TNRC6C: variants seen among roughly 807,000 people sequenced by gnomAD.
The protein encoded by TNRC6C is trinucleotide repeat containing adaptor 6C, also known as trinucleotide repeat-containing gene 6C protein.
TNRC6C carries 20 observed loss-of-function variants against 153.7 expected under a neutral mutation model. That is an observed-to-expected ratio of 0.13 (90% confidence interval 0.09 to 0.19). The LOEUF (loss-of-function observed/expected upper bound fraction) is 0.19, where lower values mean the gene tolerates loss of function less well. Among genes scored for constraint, TNRC6C ranks in the 10% least tolerant of loss-of-function variants. The pLI, the probability that TNRC6C is intolerant of heterozygous loss-of-function variation, is 1.00. For missense variants in TNRC6C, 1,987 were observed against 2,172.0 expected (o/e 0.91, Z 1.69); for synonymous variants, 811 against 841.4 (o/e 0.96, Z 0.63).
chr17:78,078,966 G>A (rs1203999143), intron 9 of TNRC6C, among the ~76,000 whole-genome samples: 3 of 152,064 alleles, frequency 2.0e-5, no homozygotes, highest in Non-Finnish European at 2.9e-5. Context: ...GGTGGCAGGC[G>A]ACGGTAATCC....
chr17:78,008,944 A>G (rs375920778), intron 1 of TNRC6C: 3 of 152,160 alleles, frequency 2.0e-5, no homozygotes, highest in Non-Finnish European at 2.9e-5. Context: ...CTGGATCCCT[A>G]TCCCTTCAAG....
chr17:78,007,817 T>C (rs1160951467), intron 1 of TNRC6C, among the ~76,000 whole-genome samples: 1 of 152,224 alleles, frequency 6.6e-6, no homozygotes, highest in Non-Finnish European at 1.5e-5. Context: ...GATAATTAGC[T>C]CAAACTAGAC....
At chr17:78,034,144 C>A (rs113008916) in intron 2 of TNRC6C, among the ~76,000 whole-genome samples, 2,308 of 152,256 alleles carry the variant, frequency 0.015, 59 homozygotes, top group African/African-American at 0.053. Context: ...ACCTCTGCCT[C>A]CCAGGTTCAA....
At chr17:78,064,864 T>C (rs2072841505) in exon 4 of TNRC6C, 1 of 1,612,946 alleles carries the variant, frequency 6.2e-7, no homozygotes, top group African/African-American at 1.3e-5. Context: ...GGTGGGGAGA[T>C]CACCCTGCAG....
chr17:78,001,935 AT>A (rs1241260983), upstream of TNRC6C, among the ~76,000 whole-genome samples: 1 of 152,212 alleles, frequency 6.6e-6, no homozygotes, highest in Non-Finnish European at 1.5e-5. Flanking sequence ...TTTAAACGTA[AT>A]TTTAAAAAGA....
chr17:77,959,686 C>A (rs922782165), intron 1 of TNRC6C, among the ~76,000 whole-genome samples: 5 of 152,110 alleles, frequency 3.3e-5, no homozygotes, highest in Non-Finnish European at 7.4e-5. Flanking sequence ...AGAGAAAAAC[C>A]CGGGGCGTGC....
In TNRC6C at chr17:78,039,315, C is replaced by G. The variant is rs528274172; in HGVS notation, c.-219+7473C>G. ...AACAGCAATTTCAAATCTTGCCCCC[C>G]CCCCCCACTCCCTACCTCTTACCAG... is the stretch of plus-strand genomic sequence containing the variant. On this transcript the variant is annotated intron_variant, in intron 2 of 19. Coordinates refer to ENST00000301624, the Ensembl canonical transcript of TNRC6C. Among the ~76,000 whole-genome samples the G allele has an allele frequency of 1.0e-4, 15 of 147,664 alleles. 1 individual carries two copies. Among genetic ancestry groups the G allele is most frequent in the African/African-American group, 3.4e-4 (13 of 38,644 alleles).
At chr17:77,998,275 C>T (rs1336274382) in intron 1 of TNRC6C, among the ~76,000 whole-genome samples, 1 of 152,110 alleles carries the variant, frequency 6.6e-6, no homozygotes. Flanking sequence ...TTGAGTTTGG[C>T]TGCTTACATT....
intron 2 of TNRC6C, among the ~76,000 whole-genome samples, chr17:78,042,230 A>G (rs1394081291): frequency 6.6e-6 from 1 of 152,222 alleles, no homozygotes. Context: ...AACGTTATAC[A>G]TGAGCTTCAT....
At chr17:78,001,043 A>G (rs987537523), upstream of TNRC6C, among the ~76,000 whole-genome samples, 1 of 152,200 alleles carries the variant, frequency 6.6e-6, no homozygotes, top group Admixed American at 6.5e-5. Flanking sequence ...ATACCCACAG[A>G]GGCCCATTTG....
In TNRC6C at chr17:78,088,137, G is replaced by A. The variant is rs376507159; in HGVS notation, c.3802+1044G>A. Reference sequence around the variant, plus strand: ...TCTATTCAATGTCTCTGAAAAGAGCGGTATATTGTAATCATATGAATCCTT... The same window carrying A: ...TCTATTCAATGTCTCTGAAAAGAGCAGTATATTGTAATCATATGAATCCTT... On this transcript the variant is annotated intron_variant, in intron 13 of 19. Coordinates refer to ENST00000301624, the Ensembl canonical transcript of TNRC6C. 1.2e-3 allele frequency among the ~76,000 whole-genome samples: 186 copies of A among 152,118 alleles called. 2 individuals carry two copies. Among genetic ancestry groups the A allele is most frequent in the African/African-American group, 4.2e-3 (176 of 41,486 alleles).
At chr17:78,024,092 C>A (rs963963332) in intron 1 of TNRC6C, among the ~76,000 whole-genome samples, 1 of 152,044 alleles carries the variant, frequency 6.6e-6, no homozygotes, top group Non-Finnish European at 1.5e-5. Flanking sequence ...AAAAAAAACA[C>A]CGTCTCAAAA....
At chr17:78,026,204 G>C (rs2071939254) in intron 1 of TNRC6C, among the ~76,000 whole-genome samples, 1 of 152,152 alleles carries the variant, frequency 6.6e-6, no homozygotes, top group African/African-American at 2.4e-5. Flanking sequence ...AGCACTCACT[G>C]TTGTCAAACA....
chr17:78,099,343 A>G (rs975440895), intron 17 of TNRC6C, among the ~76,000 whole-genome samples: 2 of 152,202 alleles, frequency 1.3e-5, no homozygotes, highest in African/African-American at 2.4e-5. Context: ...GTATTAGTCC[A>G]TTTTCACACT....
upstream of TNRC6C, among the ~76,000 whole-genome samples, chr17:78,001,496 G>C (rs575433298): frequency 8.5e-5 from 13 of 152,110 alleles, no homozygotes; most frequent in Non-Finnish European, 1.9e-4. Context: ...AAGAATGACT[G>C]AATAATATGA....
chr17:78,037,020 G>A (rs965488406), intron 2 of TNRC6C, among the ~76,000 whole-genome samples: 2 of 151,718 alleles, frequency 1.3e-5, no homozygotes, highest in African/African-American at 2.4e-5. Flanking sequence ...GCTTCCTAAC[G>A]AGATGTAAAT....
chr17:78,084,870 G>T (rs1443584033), intron 11 of TNRC6C, among the ~76,000 whole-genome samples: 1 of 152,224 alleles, frequency 6.6e-6, no homozygotes, highest in East Asian at 1.9e-4. Flanking sequence ...TACCTCAGGT[G>T]ATCCTCCCGC....
At chr17:78,001,941 A>C (rs1238194352), upstream of TNRC6C, among the ~76,000 whole-genome samples, 1 of 152,226 alleles carries the variant, frequency 6.6e-6, no homozygotes, top group Non-Finnish European at 1.5e-5. Context: ...CGTAATTTTA[A>C]AAAGAAAAAG....
chr17:78,014,537 G>A (rs773303886), intron 1 of TNRC6C, among the ~76,000 whole-genome samples: 1 of 151,396 alleles, frequency 6.6e-6, no homozygotes, highest in South Asian at 2.1e-4. Flanking sequence ...ATATCCAAGG[G>A]CCAAAACAAA....
Sources: allele counts gnomAD v4.1 joint callset (sites outside exome capture counted in the v4.1 genomes callset), GRCh38; gene constraint gnomAD v4.1.1; transcripts MANE v1.5; gene names NCBI Gene and HGNC (gene_info 2026-07-23, HGNC 2026-07-21).